C4orf33: variants seen among roughly 807,000 people sequenced by gnomAD.
The protein encoded by C4orf33 is UPF0462 protein C4orf33.
C4orf33 carries 20 observed loss-of-function variants against 24.3 expected under a neutral mutation model. That is an observed-to-expected ratio of 0.82 (90% CI 0.58 to 1.19). The LOEUF is 1.19. Among genes scored for constraint, C4orf33 ranks in the 50% most tolerant of loss-of-function variants. The pLI, the probability that C4orf33 is intolerant of heterozygous loss-of-function variation, is 0.00. For missense variants in C4orf33, 207 were observed against 225.9 expected, an observed-to-expected ratio of 0.92 and a Z score of 0.54; for synonymous variants, 67 against 76.4, an observed-to-expected ratio of 0.88 and a Z score of 0.64.
intron 2 of C4orf33, 57 bp from the exon 3 acceptor site, chr4:129,106,530 T>C: frequency 1.2e-6 from 1 of 832,546 alleles, no homozygotes; most frequent in Non-Finnish European, 1.9e-6. Flanking sequence ...AATAAATTAT[T>C]TATTGTTGGA....
In C4orf33 at chr4:129,114,814, T is replaced by C. The variant is rs931874762; in HGVS notation, c.*3023T>C. ...GCAGGCAAATAGAAGCGGGCTACCATGCAGAGCTAGAGTTATAACTATTAA... is the reference window on the plus strand; with the variant it reads ...GCAGGCAAATAGAAGCGGGCTACCACGCAGAGCTAGAGTTATAACTATTAA... On this transcript the variant is annotated 3_prime_UTR_variant, in exon 6 of 6. Coordinates refer to ENST00000425929, the MANE Select transcript of C4orf33 (RefSeq NM_001099783.2). The C allele has an allele frequency of 1.3e-5, 2 of 152,218 alleles. No homozygotes were observed. The highest frequency in any genetic ancestry group is 4.8e-5 in the African/African-American group (2 of 41,452). 9.4% of individuals were successfully genotyped at this position (152,218 alleles called of 1,614,324 possible).
intron 1 of C4orf33, among the ~76,000 whole-genome samples, chr4:129,098,478 C>T (rs112152748): frequency 1.3e-5 from 2 of 152,272 alleles, no homozygotes; most frequent in African/African-American, 4.8e-5. Context: ...CAGCTGCATC[C>T]ATGTTAGTTT....
At chr4:129,106,414 T>C (rs1468272741) in intron 2 of C4orf33, among the ~76,000 whole-genome samples, 173 bp from the exon 3 acceptor site, 1 of 151,988 alleles carries the variant, frequency 6.6e-6, no homozygotes, top group Non-Finnish European at 1.5e-5. Context: ...GATGATTTAT[T>C]TCCTATATAT....
rs1753762188 is a variant in C4orf33, at chr4:129,115,756, C to A, written c.*3965C>A. 6.7e-6 allele frequency: 1 copy of A among 148,968 alleles called. No homozygotes were observed. The highest frequency in any genetic ancestry group is 6.7e-5 in the Admixed American group (1 of 14,854). 9.2% of individuals were successfully genotyped at this position (148,968 alleles called of 1,614,324 possible). ...GGTAGAAGGGGTATCCAGCCTAAGG[C>A]ACCTAAGTCCAAGAGGAATATGTGC... is the stretch of plus-strand genomic sequence containing the variant. On this transcript the variant is annotated 3_prime_UTR_variant, in exon 6 of 6. Transcript: ENST00000425929.
chr4:129,109,757 G>A, intron 5 of C4orf33, 85 bp downstream of exon 5: 1 of 1,145,428 alleles, frequency 8.7e-7, no homozygotes, highest in Non-Finnish European at 1.2e-6. Flanking sequence ...TAACACTTTT[G>A]ATCAAAGAAG....
chr4:129,097,670 G>A (rs1337074300), intron 1 of C4orf33, among the ~76,000 whole-genome samples: 1 of 152,182 alleles, frequency 6.6e-6, no homozygotes, highest in Admixed American at 6.5e-5. Context: ...TTTTGAATAT[G>A]TGCAGGTATA....
At chr4:129,108,026 A>C (rs570076128) in intron 3 of C4orf33, among the ~76,000 whole-genome samples, 2 of 152,262 alleles carry the variant, frequency 1.3e-5, no homozygotes. Flanking sequence ...ATCAAGAATC[A>C]TAGTTTTGCT....
chr4:129,115,863 T>TAGAG lies in C4orf33; in HGVS notation c.*4079_*4082dup, dbSNP rs35457698. 1 of 146,972 alleles carries TAGAG rather than the reference T, an allele frequency of 6.8e-6. No individual in the cohort carries two copies. The highest frequency in any genetic ancestry group is 1.5e-5 in the Non-Finnish European group (1 of 67,048). 9.1% of individuals were successfully genotyped at this position (146,972 alleles called of 1,614,324 possible). ...TATGTTTATATATAACATATATATA[T>TAGAG]AGAGAGAGAGCATAAAATGTGCTGT... On this transcript the variant is annotated 3_prime_UTR_variant, in exon 6 of 6. Coordinates refer to ENST00000425929, the MANE Select transcript of C4orf33 (RefSeq NM_001099783.2).
At chr4:129,108,310 G>A (rs189253020) in intron 3 of C4orf33, among the ~76,000 whole-genome samples, 1 of 152,240 alleles carries the variant, frequency 6.6e-6, no homozygotes, top group East Asian at 1.9e-4. Context: ...TTTGCTTCAT[G>A]TAAATACATG....
At chr4:129,107,617 T>G (rs1313149318) in intron 3 of C4orf33, among the ~76,000 whole-genome samples, 1 of 152,054 alleles carries the variant, frequency 6.6e-6, no homozygotes, top group Non-Finnish European at 1.5e-5. Context: ...AGAAGAGTAA[T>G]CATATACCTT....
In C4orf33 at chr4:129,109,632, G is replaced by A. The variant is rs1384776493; in HGVS notation, c.454G>A (p.Val152Ile). 4.3e-6 allele frequency: 7 copies of A among 1,613,846 alleles called. No individual in the cohort carries two copies. The highest frequency in any genetic ancestry group is 5.9e-6 in the Non-Finnish European group (7 of 1,179,990). Residue 152 changes from valine (V) to isoleucine (I), a missense_variant, in exon 5 of 6, where the codon GTA (valine) becomes ATA (isoleucine). Transcript: ENST00000425929. Reference sequence around the variant, plus strand: ...ACGAAGTTATGAAGCTCTTTACCCTGTACCTCAGCATGAACTGCAGCAAGG... The same window carrying A: ...ACGAAGTTATGAAGCTCTTTACCCTATACCTCAGCATGAACTGCAGCAAGG... The part of the protein sequence containing the change: ...DKRSYEALYP[V>I]PQHELQQGQK...
rs1561095059 is a variant in C4orf33, at chr4:129,115,831, A to ATATATAT, written c.*4040_*4041insTATATAT. On this transcript the variant is annotated 3_prime_UTR_variant, in exon 6 of 6. Transcript: ENST00000425929. The stretch of plus-strand genomic sequence containing the variant: ...ATATATATATATATATATATATATA[A>ATATATAT]AATATATATGTTTATATATAACATA... 2 of 43,734 alleles carry ATATATAT rather than the reference A, an allele frequency of 4.6e-5. No homozygotes were observed. The highest frequency in any genetic ancestry group is 8.0e-4 in the East Asian group (1 of 1,254). 2.7% of individuals were successfully genotyped at this position (43,734 alleles called of 1,614,324 possible).
At chr4:129,095,694 C>T (rs187227363), upstream of C4orf33, among the ~76,000 whole-genome samples, 1 of 152,284 alleles carries the variant, frequency 6.6e-6, no homozygotes, top group Non-Finnish European at 1.5e-5. Flanking sequence ...GAAGTTTAAG[C>T]AAGGATCAGA....
intron 3 of C4orf33, among the ~76,000 whole-genome samples, chr4:129,109,093 G>A (rs1753604749): frequency 6.6e-6 from 1 of 152,156 alleles, no homozygotes; most frequent in African/African-American, 2.4e-5. Context: ...GTTTCACCAT[G>A]TTGGCCAGGA....
chr4:129,102,829 C>T (rs777798927), intron 2 of C4orf33, 38 bp downstream of exon 2: 1 of 1,549,086 alleles, frequency 6.5e-7, no homozygotes, highest in Admixed American at 1.9e-5. Context: ...AAACATAAAT[C>T]TTCTTATAAT....
At chr4:129,111,637 C>A in intron 5 of C4orf33, 49 bp from the exon 6 acceptor site, 3 of 1,133,044 alleles carry the variant, frequency 2.6e-6, no homozygotes, top group Non-Finnish European at 4.0e-6. Context: ...AACTATTTCA[C>A]AAATGCATAA....
intron 5 of C4orf33, among the ~76,000 whole-genome samples, chr4:129,110,696 T>C (rs1178231787): frequency 6.9e-6 from 1 of 145,878 alleles, no homozygotes; most frequent in Non-Finnish European, 1.5e-5. Context: ...CTTCCTGCCA[T>C]GCTCTTACTT....
chr4:129,102,507 G>A (rs1753385904), intron 1 of C4orf33, 95 bp from the exon 2 acceptor site: 10 of 892,270 alleles, frequency 1.1e-5, no homozygotes, highest in African/African-American at 1.7e-5. Flanking sequence ...TGCCTTTCCC[G>A]TCTGCTGTTT....
chr4:129,107,329 G>T (rs1753548371), intron 3 of C4orf33, among the ~76,000 whole-genome samples: 3 of 151,706 alleles, frequency 2.0e-5, no homozygotes, highest in African/African-American at 4.8e-5. Flanking sequence ...CTTTTTTCCT[G>T]TAGATGTACA....
Sources: gnomAD v4.1 joint callset for allele counts (sites outside exome capture counted in the v4.1 genomes callset) on GRCh38, gnomAD v4.1.1 for gene constraint, MANE v1.5 for transcripts, NCBI Gene and HGNC (gene_info 2026-07-23, HGNC 2026-07-21) for gene names.